Variants in KAZN observed in about 807,000 individuals in gnomAD.
KAZN encodes kazrin.
In KAZN, 40 loss-of-function variants were observed where a neutral mutation model predicts 87.4. The ratio of observed to expected loss-of-function variants is 0.46; its 90% CI spans 0.36 to 0.60. The LOEUF (loss-of-function observed/expected upper bound fraction) is 0.60, where lower values mean the gene tolerates loss of function less well. Ranked by LOEUF, KAZN falls within the 20% of genes least tolerant of loss-of-function variation. The pLI is 0.00. For missense variants in KAZN, 898 were observed against 1,073.9 expected, an observed-to-expected ratio of 0.84 and a Z score of 2.29; for synonymous variants, 466 against 458.3, an observed-to-expected ratio of 1.02 and a Z score of -0.22.
At chr1:14,607,199 A>T (rs981890653) in intron 1 of KAZN, among the ~76,000 whole-genome samples, 1 of 152,230 alleles carries the variant, frequency 6.6e-6, no homozygotes, top group African/African-American at 2.4e-5. Context: ...TTGAGTGCTT[A>T]CATACCATAT....
chr1:15,103,484 G>A (rs776680442), intron 12 of KAZN, 24 bp downstream of exon 12: 127 of 1,479,586 alleles, frequency 8.6e-5, no homozygotes, highest in Non-Finnish European at 1.1e-4. Flanking sequence ...CGGAGGTCGG[G>A]GTGACTCTCG....
chr1:14,902,257 G>A (rs979003039), intron 1 of KAZN, among the ~76,000 whole-genome samples: 2 of 150,060 alleles, frequency 1.3e-5, no homozygotes, highest in Admixed American at 6.7e-5. Context: ...ATGGAGTCTC[G>A]CTCTGTCACC....
At chr1:14,414,741 G>A (rs1338589868) in intron 2 of KAZN, among the ~76,000 whole-genome samples, 1 of 152,138 alleles carries the variant, frequency 6.6e-6, no homozygotes, top group Non-Finnish European at 1.5e-5. Context: ...AAGGAACACA[G>A]AGGCCAGGAG....
In KAZN at chr1:14,995,216, A is replaced by G. The variant is rs141259694; in HGVS notation, c.418+34341A>G. 3.3e-5 allele frequency among the ~76,000 whole-genome samples: 5 copies of G among 152,340 alleles called. No homozygotes were observed. In the East Asian group the frequency reaches 9.7e-4, roughly 29 times the overall value. On this transcript the variant is annotated intron_variant, in intron 2 of 14. Coordinates refer to ENST00000376030, the MANE Select transcript of KAZN (RefSeq NM_201628.3). ...GTGATGCCAGTGCTGGGCCCTGGCC[A>G]TCCTGTTCCACCTGTGAACTCACGT...
chr1:15,066,977 G>A lies in KAZN; in HGVS notation c.1222+1224G>A, dbSNP rs1318172649. The A allele has an allele frequency of 1.0e-6, 1 of 985,322 alleles. No homozygotes were observed. The highest frequency in any genetic ancestry group is 1.7e-5 in the African/African-American group (1 of 57,200). The allele number at this position is 985,322 out of a possible 1,614,324, so 61.0% of individuals were successfully genotyped here. A position where few individuals can be genotyped will look rare whatever the true frequency, so the allele number is the denominator to read the frequency against. On this transcript the variant is annotated intron_variant, in intron 8 of 14. Transcript: ENST00000376030. The surrounding 1 kb of genome is among the most constrained non-coding windows in gnomAD (Gnocchi z 4.3). ...CTGACAGTCATGGTCCCCTTCTTTG[G>A]GTCTGTCTTTTGAGAGAGGTTGAGT...
chr1:14,162,835 C>A (rs980425106), intron 1 of KAZN, among the ~76,000 whole-genome samples: 2 of 152,204 alleles, frequency 1.3e-5, no homozygotes, highest in Non-Finnish European at 2.9e-5. Context: ...TGAGCCACCA[C>A]GCTTGGCCGG....
chr1:14,062,706 A>G (rs1642845695), intron 1 of KAZN, among the ~76,000 whole-genome samples: 1 of 152,156 alleles, frequency 6.6e-6, no homozygotes, highest in African/African-American at 2.4e-5. Context: ...AGGAGAATCA[A>G]TAATCAAATG....
intron 2 of KAZN, among the ~76,000 whole-genome samples, chr1:14,492,512 T>C (rs1669702977): frequency 6.6e-6 from 1 of 150,720 alleles, no homozygotes; most frequent in African/African-American, 2.4e-5. Flanking sequence ...TCTACAGAGG[T>C]GGGCAGACAT....
At chr1:14,265,020 TTTATC>T (rs1196394701) in intron 2 of KAZN, among the ~76,000 whole-genome samples, 1 of 152,202 alleles carries the variant, frequency 6.6e-6, no homozygotes, top group Non-Finnish European at 1.5e-5. Flanking sequence ...ATGAAAGTAT[TTTATC>T]TTCATATAGT....
chr1:13,955,148 G>A (rs1641497640), intron 1 of KAZN, among the ~76,000 whole-genome samples: 1 of 152,166 alleles, frequency 6.6e-6, no homozygotes, highest in Non-Finnish European at 1.5e-5. Flanking sequence ...TTGGGTGACT[G>A]TATATGGGTG....
intron 1 of KAZN, among the ~76,000 whole-genome samples, chr1:13,987,652 A>G (rs1228854768): frequency 6.6e-6 from 1 of 151,782 alleles, no homozygotes; most frequent in Non-Finnish European, 1.5e-5. Flanking sequence ...AAGACATCAC[A>G]TTGTGGAAGG....
intron 1 of KAZN, among the ~76,000 whole-genome samples, chr1:14,825,370 A>G (rs1646854020): frequency 6.6e-6 from 1 of 152,074 alleles, no homozygotes; most frequent in Admixed American, 6.5e-5. Context: ...TTGCTGTTTT[A>G]TCTTTCTCGC....
intron 1 of KAZN, among the ~76,000 whole-genome samples, chr1:14,828,984 C>A (rs1203760804): frequency 6.6e-6 from 1 of 152,222 alleles, no homozygotes; most frequent in Non-Finnish European, 1.5e-5. Flanking sequence ...AACAGGGTCA[C>A]ATGGCCACCC....
At chr1:14,417,612 C>T (rs112605647) in intron 2 of KAZN, among the ~76,000 whole-genome samples, 20 of 152,224 alleles carry the variant, frequency 1.3e-4, no homozygotes, top group African/African-American at 3.1e-4. Context: ...GGCTACTGTA[C>T]GCACAGGCTG....
chr1:14,528,742 C>T (rs1672047666), intron 2 of KAZN, among the ~76,000 whole-genome samples: 1 of 137,248 alleles, frequency 7.3e-6, no homozygotes, highest in African/African-American at 2.8e-5. Flanking sequence ...GAGCGAGACC[C>T]TGTCTCAAAA....
intron 1 of KAZN, among the ~76,000 whole-genome samples, chr1:14,670,844 G>A (rs1016503908): frequency 2.6e-5 from 4 of 152,164 alleles, no homozygotes; most frequent in African/African-American, 9.7e-5. Flanking sequence ...GAACAGCAAG[G>A]GATAGTCCAG....
chr1:14,698,337 T>C (rs1572252688), intron 1 of KAZN, among the ~76,000 whole-genome samples: 1 of 152,092 alleles, frequency 6.6e-6, no homozygotes, highest in Non-Finnish European at 1.5e-5. Flanking sequence ...TGGGGTGGGA[T>C]GGGGGCATCT....
rs542259494 is a variant in KAZN at position 14,463,914 on chromosome 1, G to C, written c.250-135069G>C. Among the ~76,000 whole-genome samples, 42 of 152,342 alleles carry C rather than the reference G, an allele frequency of 2.8e-4. No individual in the cohort carries two copies. The South Asian group carries it at 3.5e-3, about 13-fold the overall frequency. Reference sequence around the variant, plus strand: ...GACCCAGGCATTCCCAGGAGTCACAGGCTGCAGTTCTGTTAATTCTGGGAA... The same window carrying C: ...GACCCAGGCATTCCCAGGAGTCACACGCTGCAGTTCTGTTAATTCTGGGAA... On this transcript the variant is annotated intron_variant, in intron 2 of 16. Coordinates refer to the KAZN transcript ENST00000636203.
chr1:14,693,641 T>A (rs900029657), intron 1 of KAZN, among the ~76,000 whole-genome samples: 12 of 152,028 alleles, frequency 7.9e-5, no homozygotes, highest in African/African-American at 2.7e-4. Context: ...GTGGGATGAG[T>A]GTGTGTTGTG....
Sources: gnomAD v4.1 joint callset for allele counts (sites outside exome capture counted in the v4.1 genomes callset) on GRCh38, gnomAD v4.1.1 for gene constraint, Gnocchi (gnomAD v3.1) non-coding constraint, MANE v1.5 for transcripts, NCBI Gene and HGNC (gene_info 2026-07-23, HGNC 2026-07-21) for gene names.